Variants in CNTNAP5 observed in about 807,000 individuals in gnomAD.
The protein encoded by CNTNAP5 is contactin-associated protein-like 5.
Under a neutral mutation model 150.2 loss-of-function variants are expected in CNTNAP5, and 72 were observed. That is an observed-to-expected ratio of 0.48 (90% confidence interval 0.40 to 0.58). The LOEUF (loss-of-function observed/expected upper bound fraction) is 0.58. Ranked by LOEUF, CNTNAP5 falls within the 20% of genes least tolerant of loss-of-function variation. The pLI is 0.00. For missense variants in CNTNAP5, 1,636 were observed against 1,626.2 expected (o/e 1.01, Z -0.10); for synonymous variants, 672 against 619.8 (o/e 1.08, Z -1.25).
chr2:124,216,583 C>T (rs1189781373), intron 1 of CNTNAP5, among the ~76,000 whole-genome samples: 1 of 152,060 alleles, frequency 6.6e-6, no homozygotes, highest in East Asian at 1.9e-4. Flanking sequence ...TATTCCCCTT[C>T]CTTTGTCCAT....
At chr2:124,408,711 A>G (rs1691663596) in intron 3 of CNTNAP5, among the ~76,000 whole-genome samples, 1 of 150,824 alleles carries the variant, frequency 6.6e-6, no homozygotes, top group Non-Finnish European at 1.5e-5. Flanking sequence ...AACAGAAAGG[A>G]CATCCACACC....
chr2:124,832,620 C>A (rs1682739303), intron 19 of CNTNAP5, among the ~76,000 whole-genome samples: 2 of 151,692 alleles, frequency 1.3e-5, no homozygotes, highest in South Asian at 2.1e-4. Context: ...CTTCTTTTAC[C>A]TTTTTTTTCC....
chr2:124,391,042 G>C (rs1200742485), intron 3 of CNTNAP5, among the ~76,000 whole-genome samples: 2 of 152,182 alleles, frequency 1.3e-5, no homozygotes, highest in African/African-American at 4.8e-5. Flanking sequence ...ACCAGCGGCG[G>C]TTTAAATCTG....
intron 3 of CNTNAP5, among the ~76,000 whole-genome samples, chr2:124,394,804 C>T (rs1266830374): frequency 1.3e-5 from 2 of 152,190 alleles, no homozygotes; most frequent in Admixed American, 1.3e-4. Flanking sequence ...CCTTCCTTCT[C>T]ACTGCTTCGC....
At chr2:124,764,310 A>AT (rs918308693) in intron 16 of CNTNAP5, among the ~76,000 whole-genome samples, 163 bp downstream of exon 16, 8 of 152,054 alleles carry the variant, frequency 5.3e-5, no homozygotes, top group African/African-American at 1.4e-4. Flanking sequence ...ATGCTTTATG[A>AT]TTTTTTATGA....
intron 11 of CNTNAP5, among the ~76,000 whole-genome samples, chr2:124,584,223 AGAAGATCTT>A (rs1696477780): frequency 6.6e-6 from 1 of 152,150 alleles, no homozygotes; most frequent in South Asian, 2.1e-4. Context: ...GGGTTTTGCA[AGAAGATCTT>A]GAAGCTGCAG....
intron 11 of CNTNAP5, among the ~76,000 whole-genome samples, chr2:124,580,825 T>C (rs2104948606): frequency 6.6e-6 from 1 of 152,358 alleles, no homozygotes; most frequent in African/African-American, 2.4e-5. Flanking sequence ...CAGTACTTGA[T>C]TCTTTGCTGA....
chr2:124,081,626 A>G (rs916502915), intron 1 of CNTNAP5, among the ~76,000 whole-genome samples: 4 of 152,170 alleles, frequency 2.6e-5, no homozygotes, highest in Admixed American at 6.5e-5. Context: ...GCTCTTGAGC[A>G]TTATCTTTGT....
At chr2:124,646,954 C>T (rs1465820588) in intron 12 of CNTNAP5, among the ~76,000 whole-genome samples, 2 of 152,106 alleles carry the variant, frequency 1.3e-5, no homozygotes, top group Admixed American at 1.3e-4. Flanking sequence ...GCCAGGGCAA[C>T]AGAGAGAGAC....
intron 3 of CNTNAP5, among the ~76,000 whole-genome samples, chr2:124,326,089 G>C (rs1689209209): frequency 6.6e-6 from 1 of 152,214 alleles, no homozygotes; most frequent in Admixed American, 6.5e-5. Context: ...TGCAAAATGT[G>C]CCAGAGTGGA....
intron 13 of CNTNAP5, among the ~76,000 whole-genome samples, chr2:124,706,742 G>A (rs1434333442): frequency 1.9e-5 from 2 of 103,754 alleles, no homozygotes; most frequent in Admixed American, 2.3e-4. Context: ...GTGAGACTCT[G>A]TTTCAAGAAG....
intron 3 of CNTNAP5, among the ~76,000 whole-genome samples, chr2:124,388,462 A>G (rs1466240397): frequency 6.6e-6 from 1 of 152,102 alleles, no homozygotes; most frequent in Non-Finnish European, 1.5e-5. Flanking sequence ...TATTTAGCAA[A>G]AGCCTTGGCT....
chr2:124,311,176 T>C (rs1328059063), intron 3 of CNTNAP5, among the ~76,000 whole-genome samples: 3 of 152,216 alleles, frequency 2.0e-5, no homozygotes, highest in African/African-American at 7.2e-5. Context: ...TCTAATAACC[T>C]ATCATTTTTT....
intron 19 of CNTNAP5, among the ~76,000 whole-genome samples, chr2:124,854,775 T>A (rs1489665809): frequency 6.6e-6 from 1 of 152,118 alleles, no homozygotes; most frequent in Non-Finnish European, 1.5e-5. Context: ...TTCAAGAGGA[T>A]GAGAAAGACA....
At chr2:124,392,220 T>C (rs1193301795) in intron 3 of CNTNAP5, among the ~76,000 whole-genome samples, 1 of 152,122 alleles carries the variant, frequency 6.6e-6, no homozygotes, top group Non-Finnish European at 1.5e-5. Flanking sequence ...TGAAGAAATG[T>C]TAGCAGGAAT....
intron 13 of CNTNAP5, among the ~76,000 whole-genome samples, chr2:124,745,118 C>T (rs183636848): frequency 6.6e-6 from 1 of 152,256 alleles, no homozygotes; most frequent in Admixed American, 6.5e-5. Flanking sequence ...GCTAATGGAA[C>T]TTCTAGGGAG....
chr2:124,541,880 C>T lies in CNTNAP5; in HGVS notation c.1649+14424C>T, dbSNP rs184200775. Among the ~76,000 whole-genome samples the T allele has an allele frequency of 1.8e-4, 28 of 152,212 alleles. No individual in the cohort carries two copies. In the East Asian group the frequency reaches 5.0e-3, roughly 27 times the overall value. ...GGTCTCAAGGGTGAACTCTTGTCTG[C>T]ATTAAAATGTCTATTTGCAACCACT... is the stretch of plus-strand genomic sequence containing the variant. On this transcript the variant is annotated intron_variant, in intron 10 of 23. Coordinates refer to ENST00000682447, the MANE Select transcript of CNTNAP5 (RefSeq NM_001367498.1).
At chr2:124,253,200 A>G (rs1239059743) in intron 3 of CNTNAP5, among the ~76,000 whole-genome samples, 1 of 151,930 alleles carries the variant, frequency 6.6e-6, no homozygotes, top group Non-Finnish European at 1.5e-5. Context: ...GAAGAAAACA[A>G]TGTTATTTGA....
chr2:124,359,195 T>TC (rs1690122186), intron 3 of CNTNAP5, among the ~76,000 whole-genome samples: 1 of 152,072 alleles, frequency 6.6e-6, no homozygotes, highest in Non-Finnish European at 1.5e-5. Flanking sequence ...CCTTCTCTCT[T>TC]TTTTTCTTTA....
Sources: gnomAD v4.1 joint callset for allele counts (sites outside exome capture counted in the v4.1 genomes callset) on GRCh38, gnomAD v4.1.1 for gene constraint, MANE v1.5 for transcripts, NCBI Gene and HGNC (gene_info 2026-07-23, HGNC 2026-07-21) for gene names.